PTTG1IP2: variants seen among roughly 807,000 people sequenced by gnomAD.
PTTG1IP2 encodes the protein PTTG1IP family member 2.
intron 2 of PTTG1IP2, among the ~76,000 whole-genome samples, chr7:90,484,332 C>A (rs1399107991): frequency 6.6e-6 from 1 of 152,018 alleles, no homozygotes; most frequent in African/African-American, 2.4e-5. Context: ...TTCCCACTTT[C>A]TGCATGTTTT....
intron 2 of PTTG1IP2, among the ~76,000 whole-genome samples, chr7:90,480,294 CTTCTT>C (rs1210424568): frequency 3.9e-5 from 6 of 152,184 alleles, no homozygotes; most frequent in African/African-American, 1.4e-4. Flanking sequence ...CTTTAACACT[CTTCTT>C]TTCCCTTCAG....
chr7:90,498,578 G>T (rs17870028), intron 6 of PTTG1IP2, among the ~76,000 whole-genome samples: 9 of 152,170 alleles, frequency 5.9e-5, no homozygotes, highest in African/African-American at 2.2e-4. Flanking sequence ...GACAAAGAAC[G>T]TCATTATATA....
chr7:90,499,961 C>G (rs1313431592), intron 6 of PTTG1IP2, among the ~76,000 whole-genome samples: 2 of 152,078 alleles, frequency 1.3e-5, no homozygotes, highest in African/African-American at 4.8e-5. Flanking sequence ...GGCCTATAAT[C>G]CCAGCACTTT....
At chr7:90,470,548 C>T (rs1403560600) in intron 1 of PTTG1IP2, among the ~76,000 whole-genome samples, 1 of 152,122 alleles carries the variant, frequency 6.6e-6, no homozygotes, top group African/African-American at 2.4e-5. Flanking sequence ...TTTACAAAGA[C>T]AATGAGACAG....
chr7:90,488,286 T>TGATTTAAC (rs1187956845), intron 3 of PTTG1IP2, among the ~76,000 whole-genome samples: 2 of 151,102 alleles, frequency 1.3e-5, no homozygotes, highest in Non-Finnish European at 3.0e-5. Flanking sequence ...TGTTTTTGCC[T>TGATTTAAC]TATAAAGAAG....
chr7:90,472,235 T>A (rs1797697107), intron 1 of PTTG1IP2, among the ~76,000 whole-genome samples: 1 of 150,278 alleles, frequency 6.7e-6, no homozygotes, highest in Non-Finnish European at 1.5e-5. Context: ...ATGTAAACCC[T>A]GCACAGCAAA....
chr7:90,482,009 T>A (rs900702225), intron 2 of PTTG1IP2, among the ~76,000 whole-genome samples: 9 of 152,314 alleles, frequency 5.9e-5, no homozygotes, highest in Admixed American at 4.6e-4. Flanking sequence ...GTGTAATTTT[T>A]AAAATATTTC....
chr7:90,510,169 G>A (rs1342722368), intron 6 of PTTG1IP2, among the ~76,000 whole-genome samples: 1 of 152,186 alleles, frequency 6.6e-6, no homozygotes, highest in African/African-American at 2.4e-5. Flanking sequence ...GTGGAAGGGC[G>A]GGGACCACTG....
At chr7:90,491,499 T>C (rs1797937652) in intron 4 of PTTG1IP2, among the ~76,000 whole-genome samples, 2 of 151,918 alleles carry the variant, frequency 1.3e-5, no homozygotes, top group South Asian at 2.1e-4. Flanking sequence ...GGCACGCACC[T>C]ATGGTTCCAG....
chr7:90,481,987 ATG>A (rs1797820027), intron 2 of PTTG1IP2, among the ~76,000 whole-genome samples: 1 of 152,204 alleles, frequency 6.6e-6, no homozygotes, highest in Non-Finnish European at 1.5e-5. Flanking sequence ...TACTGGGAAT[ATG>A]TGTATTTGAG....
At chr7:90,498,856 A>G (rs1798028137) in intron 6 of PTTG1IP2, among the ~76,000 whole-genome samples, 1 of 151,752 alleles carries the variant, frequency 6.6e-6, no homozygotes, top group African/African-American at 2.4e-5. Context: ...TTTTTTTTTA[A>G]TTTTCTTTTC....
At chr7:90,504,319 A>AG (rs1277297616) in intron 6 of PTTG1IP2, among the ~76,000 whole-genome samples, 1 of 146,218 alleles carries the variant, frequency 6.8e-6, no homozygotes, top group Non-Finnish European at 1.5e-5. Context: ...CCATGTCAAG[A>AG]GAAAAAAAAA....
At chr7:90,477,764 G>C (rs1044175691) in intron 1 of PTTG1IP2, among the ~76,000 whole-genome samples, 1 of 152,234 alleles carries the variant, frequency 6.6e-6, no homozygotes, top group South Asian at 2.1e-4. Flanking sequence ...GCCAGTGTTA[G>C]TTTCTTGGTT....
intron 1 of PTTG1IP2, among the ~76,000 whole-genome samples, chr7:90,478,188 T>C (rs1435597328): frequency 1.3e-5 from 2 of 151,948 alleles, no homozygotes; most frequent in Non-Finnish European, 2.9e-5. Context: ...ACAATTTTTC[T>C]GTAAATCTGA....
At chr7:90,495,262 C>T (rs1221707516) in intron 6 of PTTG1IP2, among the ~76,000 whole-genome samples, 1 of 152,116 alleles carries the variant, frequency 6.6e-6, no homozygotes, top group Non-Finnish European at 1.5e-5. Flanking sequence ...AGAACTACCC[C>T]GACACTCAGT....
chr7:90,475,292 A>T lies in PTTG1IP2; in HGVS notation c.146-3936A>T, dbSNP rs568832875. Among the ~76,000 whole-genome samples, 244 of 152,304 alleles carry T rather than the reference A, an allele frequency of 1.6e-3. 2 individuals carry two copies. Among genetic ancestry groups the T allele is most frequent in the African/African-American group, 5.5e-3 (230 of 41,564 alleles). On this transcript the variant is annotated intron_variant, in intron 1 of 6. Coordinates refer to ENST00000509356, the MANE Select transcript of PTTG1IP2 (RefSeq NM_001365443.2). ...ATGTTACCAGATACAGAATAAGTGC[A>T]GGGTCAGAGGATAATTACGCCAAGA... is the stretch of plus-strand genomic sequence containing the variant.
intron 6 of PTTG1IP2, among the ~76,000 whole-genome samples, chr7:90,506,015 A>AG: frequency 6.7e-6 from 1 of 149,084 alleles, no homozygotes; most frequent in Admixed American, 6.7e-5. Context: ...AAAAAAAAAA[A>AG]AAAAAGAAAA....
rs531990590 is a variant in PTTG1IP2, at chr7:90,473,419, A to G, written c.145+3488A>G. On this transcript the variant is annotated intron_variant, in intron 1 of 6. Transcript: ENST00000509356. ...AAGGAGGAGGGGACTCAGTCCAGTC[A>G]CACCCTAGTGCCAGGGCAACACATA... 3.9e-5 allele frequency among the ~76,000 whole-genome samples: 6 copies of G among 152,322 alleles called. No homozygotes were observed. The East Asian group carries it at 1.2e-3, about 29-fold the overall frequency.
rs1006568840 is a variant in PTTG1IP2, at chr7:90,507,908, G to A, written c.*51-5370G>A. 2.6e-5 allele frequency among the ~76,000 whole-genome samples: 4 copies of A among 152,014 alleles called. 1 individual carries two copies. The highest frequency in any genetic ancestry group is 1.3e-4 in the Admixed American group (2 of 15,256). On this transcript the variant is annotated intron_variant, in intron 6 of 6. Transcript: ENST00000509356. ...GAGGAACTTTACAGGGTACCATAAG[G>A]CACTTGAGATCTTTCAAGGAAGACA...
Sources: allele counts gnomAD v4.1 joint callset (sites outside exome capture counted in the v4.1 genomes callset), GRCh38; gene constraint gnomAD v4.1.1; transcripts MANE v1.5; gene names NCBI Gene and HGNC (gene_info 2026-07-23, HGNC 2026-07-21).